The following BARX2 variants were observed in gnomAD, a reference collection of about 807,000 sequenced individuals.
BARX2 encodes BARX homeobox 2, also known as homeobox protein BarH-like 2.
A neutral mutation model predicts 25.5 loss-of-function variants in BARX2; 11 were observed. The observed-to-expected ratio is 0.43, with a 90% CI of 0.27 to 0.71. The LOEUF is 0.71. Among genes scored for constraint, BARX2 ranks in the 30% least tolerant of loss-of-function variants. The probability of loss-of-function intolerance (pLI) is 0.19; values close to 1 mark genes in which losing one functional copy is unlikely to be tolerated. For synonymous variants in BARX2, 137 were observed against 149.5 expected (o/e 0.92, Z 0.61); for missense variants, 360 against 359.9 (o/e 1.00, Z 0.00).
At chr11:129,426,778 G>A (rs1862068192) in intron 1 of BARX2, among the ~76,000 whole-genome samples, 1 of 151,640 alleles carries the variant, frequency 6.6e-6, no homozygotes, top group Non-Finnish European at 1.5e-5. Context: ...CTGTGCCTTG[G>A]GACCCTCAAA....
intron 1 of BARX2, among the ~76,000 whole-genome samples, chr11:129,404,661 T>C (rs544012043): frequency 3.3e-5 from 5 of 152,356 alleles, no homozygotes; most frequent in African/African-American, 1.2e-4. Flanking sequence ...TTCTTTTCTC[T>C]TCTGAGGGCC....
chr11:129,431,414 A>C (rs945936035), intron 1 of BARX2, among the ~76,000 whole-genome samples: 21 of 152,186 alleles, frequency 1.4e-4, no homozygotes, highest in African/African-American at 5.1e-4. Context: ...TCTCGCCAGC[A>C]ATGAAGGAGA....
chr11:129,394,935 A>AC (rs1555134548), intron 1 of BARX2, among the ~76,000 whole-genome samples: 81 of 144,818 alleles, frequency 5.6e-4, no homozygotes, highest in Admixed American at 5.4e-3. Flanking sequence ...TCCACTCAGC[A>AC]TTTTTTTTTT....
rs1286594659 is a variant in BARX2, at chr11:129,375,948, G to C, written c.-88G>C. 1.2e-6 allele frequency: 1 copy of C among 811,726 alleles called. No individual in the cohort carries two copies. Among genetic ancestry groups the C allele is most frequent in the African/African-American group, 1.9e-5 (1 of 53,360 alleles). 50.3% of individuals were successfully genotyped at this position (811,726 alleles called of 1,614,324 possible). On this transcript the variant is annotated 5_prime_UTR_variant, in exon 1 of 4. Transcript: ENST00000281437. The surrounding 1 kb of genome is among the most constrained non-coding windows in gnomAD (Gnocchi z 4.0). ...CCCCAGCTGCCGGGAGCGGGGCCCA[G>C]GCCCCGCCGTCGCGCCAGCCCCGCG...
At chr11:129,405,091 A>G (rs1010411012) in intron 1 of BARX2, among the ~76,000 whole-genome samples, 4 of 152,186 alleles carry the variant, frequency 2.6e-5, no homozygotes, top group African/African-American at 9.7e-5. Context: ...ATCTGATGCA[A>G]TGATATCCAG....
intron 1 of BARX2, among the ~76,000 whole-genome samples, chr11:129,392,669 TGG>T (rs1861677479): frequency 6.6e-6 from 1 of 152,142 alleles, no homozygotes; most frequent in East Asian, 1.9e-4. Flanking sequence ...TGGAGGGCAG[TGG>T]TATGATCTCG....
intron 1 of BARX2, among the ~76,000 whole-genome samples, chr11:129,410,517 C>G (rs1861875209): frequency 6.6e-6 from 1 of 151,630 alleles, no homozygotes; most frequent in Non-Finnish European, 1.5e-5. Context: ...TGGGCCGTCT[C>G]TTTATCTGCA....
intron 1 of BARX2, among the ~76,000 whole-genome samples, chr11:129,389,342 G>A (rs1186352778): frequency 6.6e-6 from 1 of 152,094 alleles, no homozygotes; most frequent in Non-Finnish European, 1.5e-5. Context: ...TTACTCCAGG[G>A]CATTTTTCTG....
At chr11:129,418,524 T>G (rs530589616) in intron 1 of BARX2, among the ~76,000 whole-genome samples, 1 of 152,336 alleles carries the variant, frequency 6.6e-6, no homozygotes, top group South Asian at 2.1e-4. Flanking sequence ...TCCTTTATCT[T>G]GTAGAAGTTG....
intron 3 of BARX2, among the ~76,000 whole-genome samples, chr11:129,450,060 T>C (rs1862377923): frequency 6.6e-6 from 1 of 152,146 alleles, no homozygotes; most frequent in African/African-American, 2.4e-5. Context: ...CACCCTGTAA[T>C]ACAAGGTATT....
At chr11:129,451,113 A>C (rs367720180) in intron 3 of BARX2, 23 bp from the exon 4 acceptor site, 1 of 1,603,012 alleles carries the variant, frequency 6.2e-7, no homozygotes, top group Non-Finnish European at 8.5e-7. Flanking sequence ...CTTAGATTCA[A>C]TAACAATTTT....
chr11:129,442,815 T>G lies in BARX2; in HGVS notation c.489-20T>G, dbSNP rs373737561. On this transcript the variant is annotated intron_variant, in intron 2 of 3. Coordinates refer to ENST00000281437, the MANE Select transcript of BARX2 (RefSeq NM_003658.5). ...GCCTCCCATTCTGCTCACCTTTCCT[T>G]TGTATCTTGTGCCTTCTAGGTTGGA... is the stretch of plus-strand genomic sequence containing the variant. The G allele has an allele frequency of 5.0e-5, 80 of 1,602,082 alleles. No homozygotes were observed. The highest frequency in any genetic ancestry group is 6.5e-5 in the Non-Finnish European group (76 of 1,169,296).
At chr11:129,427,934 G>T (rs1160557174) in intron 1 of BARX2, among the ~76,000 whole-genome samples, 1 of 152,142 alleles carries the variant, frequency 6.6e-6, no homozygotes, top group Admixed American at 6.5e-5. Context: ...ATCTCCCCAA[G>T]CTCCCAGGAT....
chr11:129,408,502 C>T (rs943281632), intron 1 of BARX2, among the ~76,000 whole-genome samples: 5 of 152,222 alleles, frequency 3.3e-5, no homozygotes, highest in African/African-American at 1.2e-4. Context: ...TGACCTGGCC[C>T]TGCCTGTCTC....
At chr11:129,395,741 G>A (rs73024944) in intron 1 of BARX2, among the ~76,000 whole-genome samples, 6,575 of 152,170 alleles carry the variant, frequency 0.043, 166 homozygotes, top group Middle Eastern at 0.071. Flanking sequence ...ATCTCTGCAC[G>A]TGTAAAATCT....
intron 1 of BARX2, among the ~76,000 whole-genome samples, chr11:129,416,875 G>GT (rs66479529): frequency 3.4e-3 from 450 of 132,974 alleles, no homozygotes; most frequent in African/African-American, 7.9e-3. Flanking sequence ...CAGTGTCTTT[G>GT]TTTTTTTTTT....
At chr11:129,414,045 G>A (rs536166967) in intron 1 of BARX2, among the ~76,000 whole-genome samples, 5 of 149,602 alleles carry the variant, frequency 3.3e-5, no homozygotes, top group Non-Finnish European at 7.4e-5. Flanking sequence ...CAGCCTGGGA[G>A]GCAGACGGAG....
Position 129,390,285 on chromosome 11 carries a change from G to A in BARX2, c.187+14063G>A, listed in dbSNP as rs118040835. Among the ~76,000 whole-genome samples, 1,748 of 152,254 alleles carry A rather than the reference G, an allele frequency of 0.011. 11 individuals carry two copies. Among genetic ancestry groups the A allele is most frequent in the Non-Finnish European group, 0.02 (1,351 of 68,028 alleles). Reference sequence around the variant, plus strand: ...GGGGGCCAAGTGGGATAAGACAGGTGGATGTGTCATCACCACTGAGACGGA... The same window carrying A: ...GGGGGCCAAGTGGGATAAGACAGGTAGATGTGTCATCACCACTGAGACGGA... On this transcript the variant is annotated intron_variant, in intron 1 of 3. Transcript: ENST00000281437. The surrounding 1 kb of genome is among the most constrained non-coding windows in gnomAD (Gnocchi z 4.3).
At chr11:129,402,480 G>T (rs1454910659) in intron 1 of BARX2, among the ~76,000 whole-genome samples, 4 of 152,160 alleles carry the variant, frequency 2.6e-5, no homozygotes, top group Non-Finnish European at 5.9e-5. Context: ...AAAAATCAGT[G>T]CATGACTAGG....
Sources: allele counts gnomAD v4.1 joint callset (sites outside exome capture counted in the v4.1 genomes callset), GRCh38; gene constraint gnomAD v4.1.1; non-coding constraint Gnocchi (gnomAD v3.1); transcripts MANE v1.5; gene names NCBI Gene and HGNC (gene_info 2026-07-23, HGNC 2026-07-21).